The following EIF2AK4 variants were observed in gnomAD, a reference collection of about 807,000 sequenced individuals.
The protein encoded by EIF2AK4 is eukaryotic translation initiation factor 2 alpha kinase 4, also known as eIF-2-alpha kinase GCN2.
In EIF2AK4, 139 loss-of-function variants were observed where a neutral mutation model predicts 211.1. The observed-to-expected ratio is 0.66, with a 90% CI of 0.57 to 0.76. The LOEUF is 0.76. Among genes scored for constraint, EIF2AK4 ranks in the 30% least tolerant of loss-of-function variants. The probability of loss-of-function intolerance (pLI) is 0.00; values close to 1 mark genes in which losing one functional copy is unlikely to be tolerated. For missense variants in EIF2AK4, 1,664 were observed against 2,043.8 expected (o/e 0.81, Z 3.58); for synonymous variants, 710 against 751.3 (o/e 0.94, Z 0.90).
chr15:39,952,318 T>C (rs1425589164), intron 4 of EIF2AK4, among the ~76,000 whole-genome samples: 1 of 150,258 alleles, frequency 6.7e-6, no homozygotes. Flanking sequence ...TGAGACAGCA[T>C]CGTGCTCTGT....
chr15:40,033,871 A>G (rs191218684), intron 37 of EIF2AK4, among the ~76,000 whole-genome samples: 202 of 152,222 alleles, frequency 1.3e-3, no homozygotes, highest in African/African-American at 4.7e-3. Context: ...TACTAAAAAT[A>G]CAAAAAATTA....
chr15:40,031,197 G>C (rs75266116), intron 35 of EIF2AK4, among the ~76,000 whole-genome samples: 20,589 of 152,112 alleles, frequency 0.14, 2,617 homozygotes, highest in East Asian at 0.46. Flanking sequence ...CCAAGATCAT[G>C]GCACTACACT....
intron 13 of EIF2AK4, among the ~76,000 whole-genome samples, chr15:39,978,865 G>A (rs770652641): frequency 2.0e-5 from 3 of 152,076 alleles, no homozygotes; most frequent in Non-Finnish European, 2.9e-5. Context: ...AACTTCAGTC[G>A]TGAGACACTA....
At chr15:40,029,372 T>C (rs774516033) in intron 33 of EIF2AK4, 34 bp from the exon 34 acceptor site, 1 of 1,610,626 alleles carries the variant, frequency 6.2e-7, no homozygotes, top group South Asian at 1.1e-5. Context: ...CCTTATTGAC[T>C]GTTCTTTAAT....
At chr15:39,945,258 GCCC>G (rs1392252651) in intron 3 of EIF2AK4, among the ~76,000 whole-genome samples, 1 of 151,874 alleles carries the variant, frequency 6.6e-6, no homozygotes, top group Non-Finnish European at 1.5e-5. Flanking sequence ...AGGATTACAG[GCCC>G]GAGCCACCAC....
chr15:39,987,500 A>T (rs543697298), intron 14 of EIF2AK4, among the ~76,000 whole-genome samples: 1 of 152,318 alleles, frequency 6.6e-6, no homozygotes, highest in South Asian at 2.1e-4. Context: ...AAGGGGTGAG[A>T]CAGAGCCCCT....
chr15:39,949,463 A>C (rs2034277190), intron 4 of EIF2AK4, among the ~76,000 whole-genome samples, 195 bp downstream of exon 4: 1 of 152,174 alleles, frequency 6.6e-6, no homozygotes, highest in Admixed American at 6.5e-5. Flanking sequence ...TGTCCCTTAG[A>C]GCCCTCAGTC....
intron 3 of EIF2AK4, among the ~76,000 whole-genome samples, chr15:39,944,076 G>A (rs1004071236): frequency 6.6e-6 from 1 of 152,170 alleles, no homozygotes; most frequent in Non-Finnish European, 1.5e-5. Flanking sequence ...GAAAATGTGG[G>A]CAGACAAACA....
intron 21 of EIF2AK4, 43 bp downstream of exon 21, chr15:40,001,267 CA>C: frequency 6.3e-7 from 1 of 1,588,988 alleles, no homozygotes; most frequent in Non-Finnish European, 8.6e-7. Context: ...TCACCTTGTC[CA>C]CAAAAGGATC....
chr15:39,973,776 C>T (rs1169612615), intron 11 of EIF2AK4, 27 bp downstream of exon 11: 9 of 1,610,820 alleles, frequency 5.6e-6, no homozygotes, highest in Non-Finnish European at 7.6e-6. Context: ...TTCCCAGTCC[C>T]CTTTAGAGCT....
In EIF2AK4 at chr15:40,002,592, A is replaced by G. The variant is rs932323521; in HGVS notation, c.3160-121A>G. ...TGTTCAAAGAGGGATGGACTTGTCA[A>G]GACTTGTTTTTTGAACCTGGAAATA... On this transcript the variant is annotated intron_variant, in intron 21 of 38. Transcript: ENST00000263791. 58 of 995,560 alleles carry G rather than the reference A, an allele frequency of 5.8e-5. No homozygotes were observed. In the African/African-American group the frequency reaches 7.7e-4, roughly 13 times the overall value. 61.7% of individuals were successfully genotyped at this position (995,560 alleles called of 1,614,324 possible). A position where few individuals can be genotyped will look rare whatever the true frequency, so the allele number is the denominator to read the frequency against.
intron 26 of EIF2AK4, among the ~76,000 whole-genome samples, chr15:40,010,957 G>T (rs1443418421): frequency 1.3e-5 from 2 of 152,176 alleles, no homozygotes; most frequent in Non-Finnish European, 2.9e-5. Context: ...TGTTAGGGGA[G>T]CCCAGAGCAA....
At chr15:39,949,370 T>C in intron 4 of EIF2AK4, 102 bp downstream of exon 4, 1 of 1,482,628 alleles carries the variant, frequency 6.7e-7, no homozygotes, top group East Asian at 2.4e-5. Context: ...CTTTAAGTTT[T>C]GCTCAGCCTT....
intron 18 of EIF2AK4, among the ~76,000 whole-genome samples, chr15:39,993,619 A>G (rs2034981422): frequency 6.6e-6 from 1 of 152,258 alleles, no homozygotes; most frequent in Non-Finnish European, 1.5e-5. Context: ...GCCAAAAGGA[A>G]GGCTAGTGTG....
intron 5 of EIF2AK4, 79 bp downstream of exon 5, chr15:39,954,063 A>G (rs1566984184): frequency 1.7e-6 from 2 of 1,174,632 alleles, no homozygotes; most frequent in East Asian, 5.1e-5. Flanking sequence ...CATCTGTGTT[A>G]CTATCAGTAA....
chr15:39,976,505 T>C lies in EIF2AK4; in HGVS notation c.1910T>C (p.Val637Ala). 2.5e-6 allele frequency: 4 copies of C among 1,612,484 alleles called. No homozygotes were observed. The highest frequency in any genetic ancestry group is 3.4e-6 in the Non-Finnish European group (4 of 1,179,728). ...CAGTTCCGCAGGATCAAGGGCGAAG[T>C]GACACTGCTGTCACGGCTGCACCAT... ...SRQFRRIKGE[V>A]TLLSRLHHEN... The change falls in exon 12 of 39, where the codon GTG (valine) becomes GCG (alanine). Residue 637 changes from valine (V) to alanine (A), a missense_variant. Physicochemically the swap from Val to Ala is moderately conservative, Grantham distance 64. Coordinates refer to ENST00000263791, the MANE Select transcript of EIF2AK4 (RefSeq NM_001013703.4).
At chr15:40,022,795 G>A (rs1407775801) in intron 32 of EIF2AK4, among the ~76,000 whole-genome samples, 190 bp downstream of exon 32, 1 of 151,696 alleles carries the variant, frequency 6.6e-6, no homozygotes, top group Non-Finnish European at 1.5e-5. Context: ...GTGCAATGAC[G>A]CAATCTCGGC....
rs1279453819 is a variant in EIF2AK4 at position 40,035,030 on chromosome 15, G to A, written c.4896G>A (p.Val1632=). The change falls in exon 39 of 39, where the codon GTG becomes GTA. Residue 1632 remains valine, a synonymous_variant. Coordinates refer to ENST00000263791, the MANE Select transcript of EIF2AK4 (RefSeq NM_001013703.4). ...EIYNIKVEKK[V]SVLFLYSYRD... is the part of the protein sequence containing the mutation. ...TATCTTTTCTTTTCTTTTGCAGGGT[G>A]TCTGTGCTATTTCTGTACAGCTATA... The A allele has an allele frequency of 1.3e-6, 2 of 1,579,220 alleles. No individual in the cohort carries two copies. Among genetic ancestry groups the A allele is most frequent in the Non-Finnish European group, 1.7e-6 (2 of 1,164,086 alleles).
In EIF2AK4 at chr15:39,940,309, C is replaced by T. The variant is rs149392413; in HGVS notation, c.257+692C>T. On this transcript the variant is annotated intron_variant, in intron 2 of 38. Coordinates refer to ENST00000263791, the MANE Select transcript of EIF2AK4 (RefSeq NM_001013703.4). ...ATGTCTATTTGGTGTAATCTTTCCCCACCCATCCCACATGGAAAGGCAGGT... is the reference window on the plus strand; with the variant it reads ...ATGTCTATTTGGTGTAATCTTTCCCTACCCATCCCACATGGAAAGGCAGGT... 9.3e-4 allele frequency among the ~76,000 whole-genome samples: 141 copies of T among 152,344 alleles called. 2 individuals are homozygous for T. Among genetic ancestry groups the T allele is most frequent in the Admixed American group, 8.6e-3 (131 of 15,300 alleles).
Sources: gnomAD v4.1 joint callset for allele counts (sites outside exome capture counted in the v4.1 genomes callset) on GRCh38, gnomAD v4.1.1 for gene constraint, MANE v1.5 for transcripts, NCBI Gene and HGNC (gene_info 2026-07-23, HGNC 2026-07-21) for gene names.